Variants in LDLRAD4 observed in about 807,000 individuals in gnomAD.
LDLRAD4 encodes the protein low-density lipoprotein receptor class A domain-containing protein 4.
LDLRAD4 carries 5 observed loss-of-function variants against 17.0 expected under a neutral mutation model. That is an observed-to-expected ratio of 0.29 (90% CI 0.15 to 0.62). The LOEUF (loss-of-function observed/expected upper bound fraction) is 0.62, where lower values mean the gene tolerates loss of function less well. Ranked by LOEUF, LDLRAD4 falls within the 20% of genes least tolerant of loss-of-function variation. The pLI, the probability that LDLRAD4 is intolerant of heterozygous loss-of-function variation, is 0.84. For missense variants in LDLRAD4, 340 were observed against 424.7 expected (o/e 0.80, Z 1.75); for synonymous variants, 168 against 171.8 (o/e 0.98, Z 0.17).
intron 2 of LDLRAD4, 54 bp from the exon 4 acceptor site, chr18:13,438,190 C>G (rs767902053): frequency 6.4e-7 from 1 of 1,566,130 alleles, no homozygotes. Context: ...AGTCACAGCT[C>G]AAGAGCACCA....
chr18:13,518,079 G>T (rs142572913), intron 3 of LDLRAD4, among the ~76,000 whole-genome samples: 1 of 152,230 alleles, frequency 6.6e-6, no homozygotes, highest in East Asian at 1.9e-4. Context: ...TATTTTGTGA[G>T]ATTCCTAGTC....
chr18:13,525,579 A>C (rs1001762198), intron 3 of LDLRAD4, among the ~76,000 whole-genome samples: 1 of 152,182 alleles, frequency 6.6e-6, no homozygotes, highest in Non-Finnish European at 1.5e-5. Flanking sequence ...TCCTGTTTCA[A>C]ATCTGTGTTG....
intron 3 of LDLRAD4, among the ~76,000 whole-genome samples, chr18:13,547,493 C>T (rs2094381933): frequency 6.6e-6 from 1 of 152,202 alleles, no homozygotes; most frequent in South Asian, 2.1e-4. Context: ...GTTCTGCCCA[C>T]TCGACCTGGC....
intron 3 of LDLRAD4, chr18:13,615,145 A>G (rs1308514387): frequency 2.6e-5 from 4 of 152,330 alleles, no homozygotes; most frequent in Non-Finnish European, 5.9e-5. Flanking sequence ...GGGTGGGGCC[A>G]GGGCTTCGTG....
chr18:13,448,804 C>G (rs889552898), intron 3 of LDLRAD4, among the ~76,000 whole-genome samples: 1 of 152,236 alleles, frequency 6.6e-6, no homozygotes, highest in Middle Eastern at 3.4e-3. Context: ...TGGAAGGGAC[C>G]ATCTTTGAGT....
chr18:13,403,563 C>T (rs984776865), intron 2 of LDLRAD4, among the ~76,000 whole-genome samples: 1 of 152,218 alleles, frequency 6.6e-6, no homozygotes, highest in Non-Finnish European at 1.5e-5. Context: ...GTTACTTCAC[C>T]TCTCTTGGCC....
chr18:13,621,089 G>A lies in LDLRAD4; in HGVS notation c.182-28G>A, dbSNP rs1292243166. 6.2e-7 allele frequency: 1 copy of A among 1,614,058 alleles called. No homozygotes were observed. Among genetic ancestry groups the A allele is most frequent in the East Asian group, 2.2e-5 (1 of 44,868 alleles). On this transcript the variant is annotated intron_variant, in intron 3 of 5. Transcript: ENST00000359446. This position sits in a 1 kb window ranked among gnomAD's most constrained non-coding sequence, Gnocchi z 5.5. ...TGGGTGGGGACTGGAGGGGCCAGGTGGCTAACCACTCTCCTCTTCCATGGC... is the reference window on the plus strand; with the variant it reads ...TGGGTGGGGACTGGAGGGGCCAGGTAGCTAACCACTCTCCTCTTCCATGGC...
intron 1 of LDLRAD4, among the ~76,000 whole-genome samples, chr18:13,359,993 A>G (rs187770988): frequency 4.7e-4 from 71 of 152,348 alleles, no homozygotes; most frequent in Middle Eastern, 3.4e-3. Flanking sequence ...TTTGAAATCA[A>G]TGTGACTGAG....
chr18:13,303,234 T>C (rs1350457751), intron 1 of LDLRAD4, among the ~76,000 whole-genome samples: 1 of 152,160 alleles, frequency 6.6e-6, no homozygotes, highest in African/African-American at 2.4e-5. Flanking sequence ...ATAGGTTAAC[T>C]TTGTCTTCTG....
At chr18:13,282,162 C>T (rs561664842) in intron 1 of LDLRAD4, among the ~76,000 whole-genome samples, 217 of 152,256 alleles carry the variant, frequency 1.4e-3, no homozygotes, top group African/African-American at 4.9e-3. Context: ...TCCCATAACA[C>T]GTGGGAATTC....
chr18:13,540,488 C>T (rs1433890640), intron 3 of LDLRAD4, among the ~76,000 whole-genome samples: 1 of 151,974 alleles, frequency 6.6e-6, no homozygotes, highest in Non-Finnish European at 1.5e-5. Flanking sequence ...TCTTCAGGTA[C>T]ATCCATAATA....
At chr18:13,460,687 T>G (rs1293889639) in intron 3 of LDLRAD4, among the ~76,000 whole-genome samples, 1 of 152,226 alleles carries the variant, frequency 6.6e-6, no homozygotes, top group Non-Finnish European at 1.5e-5. Flanking sequence ...GGCAGACAGT[T>G]CATACCTCCT....
chr18:13,494,128 C>T (rs749707375), intron 3 of LDLRAD4, among the ~76,000 whole-genome samples: 5 of 152,084 alleles, frequency 3.3e-5, no homozygotes, highest in African/African-American at 9.7e-5. Context: ...GTGGTGATGG[C>T]TCTGCTGAGA....
At chr18:13,463,244 G>T (rs565065581) in intron 3 of LDLRAD4, among the ~76,000 whole-genome samples, 79 of 152,290 alleles carry the variant, frequency 5.2e-4, no homozygotes, top group African/African-American at 1.8e-3. Context: ...CCAGCTGCCA[G>T]GCTCCCTCCC....
chr18:13,639,899 CTG>C (rs1340249755), intron 4 of LDLRAD4, among the ~76,000 whole-genome samples: 5 of 152,234 alleles, frequency 3.3e-5, no homozygotes, highest in Admixed American at 2.6e-4. Flanking sequence ...ATGTTATACT[CTG>C]TGAAGAAGAG....
intron 3 of LDLRAD4, chr18:13,561,913 G>C (rs2094545461): frequency 6.6e-6 from 1 of 152,062 alleles, no homozygotes; most frequent in Non-Finnish European, 1.5e-5. Context: ...AAACCTAAAA[G>C]AAAAACCAAA....
chr18:13,325,187 A>G lies in LDLRAD4; in HGVS notation c.-383+46999A>G, dbSNP rs80164562. Among the ~76,000 whole-genome samples, 88 of 152,332 alleles carry G rather than the reference A, an allele frequency of 5.8e-4. No individual in the cohort carries two copies. The East Asian group carries it at 8.5e-3, about 15-fold the overall frequency. Reference sequence around the variant, plus strand: ...GCAATCTGTATAGGAATAAAAGGAAAGTCAGCTTTTTGCATCCAGCTTAAC... The same window carrying G: ...GCAATCTGTATAGGAATAAAAGGAAGGTCAGCTTTTTGCATCCAGCTTAAC... On this transcript the variant is annotated intron_variant, in intron 1 of 5. Coordinates refer to ENST00000359446, the Ensembl canonical transcript of LDLRAD4.
chr18:13,232,891 T>A (rs1220118431), intron 1 of LDLRAD4, among the ~76,000 whole-genome samples: 1 of 152,190 alleles, frequency 6.6e-6, no homozygotes, highest in East Asian at 1.9e-4. Context: ...GAGAGAAGGC[T>A]GCCACGTCTG....
chr18:13,576,200 G>C (rs1447103602), intron 3 of LDLRAD4, among the ~76,000 whole-genome samples: 1 of 152,120 alleles, frequency 6.6e-6, no homozygotes, highest in African/African-American at 2.4e-5. Flanking sequence ...AAGACGGGTG[G>C]ATCACGAGGT....
Sources: allele counts gnomAD v4.1 joint callset (sites outside exome capture counted in the v4.1 genomes callset), GRCh38; gene constraint gnomAD v4.1.1; non-coding constraint Gnocchi (gnomAD v3.1); transcripts MANE v1.5; gene names NCBI Gene and HGNC (gene_info 2026-07-23, HGNC 2026-07-21).